The following KCNIP3 variants were observed in gnomAD, a reference collection of about 807,000 sequenced individuals.
KCNIP3 encodes potassium voltage-gated channel interacting protein 3.
A neutral mutation model predicts 35.0 loss-of-function variants in KCNIP3; 28 were observed. That is an observed-to-expected ratio of 0.80 (90% CI 0.59 to 1.10). The LOEUF (loss-of-function observed/expected upper bound fraction) is 1.10. Among genes scored for constraint, KCNIP3 ranks in the 50% least tolerant of loss-of-function variants. The pLI is 0.00. For missense variants in KCNIP3, 295 were observed against 338.4 expected (o/e 0.87, Z 1.01); for synonymous variants, 134 against 133.8 (o/e 1.00, Z -0.01).
intron 2 of KCNIP3, among the ~76,000 whole-genome samples, chr2:95,358,536 G>A (rs1679714237): frequency 2.0e-5 from 3 of 152,172 alleles, no homozygotes; most frequent in Non-Finnish European, 1.5e-5. Flanking sequence ...GGCTATCAAC[G>A]GTGTATTAGC....
chr2:95,361,489 T>C (rs1273549144), intron 2 of KCNIP3, among the ~76,000 whole-genome samples: 1 of 152,214 alleles, frequency 6.6e-6, no homozygotes, highest in Admixed American at 6.5e-5. Context: ...TGCCCACATG[T>C]GCCTTGGCTC....
At chr2:95,360,629 G>T (rs1679770517) in intron 2 of KCNIP3, among the ~76,000 whole-genome samples, 1 of 152,254 alleles carries the variant, frequency 6.6e-6, no homozygotes, top group East Asian at 1.9e-4. Context: ...ATAATGAACA[G>T]ATATGTATTG....
intron 1 of KCNIP3, chr2:95,299,164 C>T (rs1677954819): frequency 1.3e-5 from 2 of 152,468 alleles, no homozygotes; most frequent in African/African-American, 4.8e-5. Flanking sequence ...CCTCCCACAA[C>T]CAGCTCCTGG....
intron 2 of KCNIP3, among the ~76,000 whole-genome samples, chr2:95,325,928 T>TACACATACACATACACACTC (rs1246000454): frequency 7.1e-6 from 1 of 140,516 alleles, no homozygotes; most frequent in Non-Finnish European, 1.5e-5. Flanking sequence ...TACACACTCA[T>TACACATACACATACACACTC]ACACATACAC....
At chr2:95,327,633 G>A (rs904485185) in intron 2 of KCNIP3, among the ~76,000 whole-genome samples, 8 of 152,196 alleles carry the variant, frequency 5.3e-5, no homozygotes, top group African/African-American at 1.9e-4. Context: ...TCTTGGGCAG[G>A]TGCTGGTGCC....
chr2:95,364,608 C>T (rs957940766), intron 2 of KCNIP3, among the ~76,000 whole-genome samples: 4 of 152,140 alleles, frequency 2.6e-5, no homozygotes, highest in Non-Finnish European at 5.9e-5. Flanking sequence ...AGTGAGTTCT[C>T]TCCATGAGTT....
chr2:95,375,032 C>A, intron 4 of KCNIP3, 106 bp from the exon 5 acceptor site: 1 of 1,520,816 alleles, frequency 6.6e-7, no homozygotes, highest in Non-Finnish European at 9.1e-7. Flanking sequence ...GAAACAGGGA[C>A]TCCAAGCCAG....
chr2:95,319,407 C>A (rs1678534997), intron 2 of KCNIP3, among the ~76,000 whole-genome samples: 1 of 152,218 alleles, frequency 6.6e-6, no homozygotes, highest in Non-Finnish European at 1.5e-5. Flanking sequence ...TTCCCTTCCT[C>A]AGGAAGTTAT....
In KCNIP3 at chr2:95,378,954, C is replaced by T. The variant is rs1680272040; in HGVS notation, c.448-2642C>T. On this transcript the variant is annotated intron_variant, in intron 5 of 8. Transcript: ENST00000295225. This position sits in a 1 kb window ranked among gnomAD's most constrained non-coding sequence, Gnocchi z 4.0. Reference sequence around the variant, plus strand: ...ATACACACACATGACTGGAGTCCAACACATTCGCAGGGTGCACGTTGGAAA... The same window carrying T: ...ATACACACACATGACTGGAGTCCAATACATTCGCAGGGTGCACGTTGGAAA... Among the ~76,000 whole-genome samples, 1 of 151,934 alleles carries T rather than the reference C, an allele frequency of 6.6e-6. No homozygotes were observed. Among genetic ancestry groups the T allele is most frequent in the Non-Finnish European group, 1.5e-5 (1 of 68,010 alleles).
At chr2:95,352,806 G>A (rs1220471958) in intron 2 of KCNIP3, among the ~76,000 whole-genome samples, 4 of 152,182 alleles carry the variant, frequency 2.6e-5, no homozygotes, top group African/African-American at 4.8e-5. Context: ...TGGCAATGCC[G>A]GACCTTCCTT....
chr2:95,369,318 G>A (rs1319921397), intron 2 of KCNIP3, among the ~76,000 whole-genome samples: 1 of 152,126 alleles, frequency 6.6e-6, no homozygotes, highest in Admixed American at 6.5e-5. Flanking sequence ...CCCTCTTGGT[G>A]TGGTGTATTA....
chr2:95,307,248 C>G (rs1488219517), intron 1 of KCNIP3, among the ~76,000 whole-genome samples: 4 of 152,198 alleles, frequency 2.6e-5, no homozygotes, highest in Non-Finnish European at 5.9e-5. Context: ...GCCCCCTAGC[C>G]CAGGAGGGCA....
At chr2:95,304,083 G>A (rs569985009) in intron 1 of KCNIP3, among the ~76,000 whole-genome samples, 1 of 152,306 alleles carries the variant, frequency 6.6e-6, no homozygotes, top group Admixed American at 6.5e-5. Context: ...GCAGCCTGGC[G>A]AGAGGCCGCC....
intron 2 of KCNIP3, among the ~76,000 whole-genome samples, chr2:95,351,951 G>A (rs921313630): frequency 6.6e-6 from 1 of 152,162 alleles, no homozygotes; most frequent in Non-Finnish European, 1.5e-5. Flanking sequence ...CTGTGAGACT[G>A]GGGGAGTCAC....
chr2:95,344,293 C>T (rs1346507811), intron 2 of KCNIP3, among the ~76,000 whole-genome samples: 1 of 151,728 alleles, frequency 6.6e-6, no homozygotes, highest in Non-Finnish European at 1.5e-5. Flanking sequence ...GCACATGGGG[C>T]TTCAGGGCTC....
At chr2:95,374,549 T>C in intron 3 of KCNIP3, 129 bp downstream of exon 3, 1 of 1,227,712 alleles carries the variant, frequency 8.1e-7, no homozygotes, top group Non-Finnish European at 1.1e-6. Flanking sequence ...GAAAGCTGTG[T>C]GGCGGGGGCA....
chr2:95,299,446 G>A (rs553531384), intron 1 of KCNIP3, among the ~76,000 whole-genome samples: 41 of 152,178 alleles, frequency 2.7e-4, no homozygotes, highest in African/African-American at 5.3e-4. Context: ...CCCCAGTAAC[G>A]CCCCATGACT....
intron 2 of KCNIP3, among the ~76,000 whole-genome samples, chr2:95,337,711 A>G (rs1421999897): frequency 4.6e-5 from 7 of 152,218 alleles, no homozygotes; most frequent in Non-Finnish European, 7.3e-5. Context: ...TTACTTGCCC[A>G]AGGTCTGTTG....
At chr2:95,337,421 G>A (rs1295384267) in intron 2 of KCNIP3, among the ~76,000 whole-genome samples, 1 of 151,932 alleles carries the variant, frequency 6.6e-6, no homozygotes, top group Non-Finnish European at 1.5e-5. Context: ...AGGGGGCGGG[G>A]GAGGGAATGA....
Sources: gnomAD v4.1 joint callset for allele counts (sites outside exome capture counted in the v4.1 genomes callset) on GRCh38, gnomAD v4.1.1 for gene constraint, Gnocchi (gnomAD v3.1) non-coding constraint, MANE v1.5 for transcripts, NCBI Gene and HGNC (gene_info 2026-07-23, HGNC 2026-07-21) for gene names.